Variants in CACNA1I observed in about 807,000 individuals in gnomAD.
CACNA1I encodes the protein voltage-dependent T-type calcium channel subunit alpha-1I.
In CACNA1I, 74 loss-of-function variants were observed where a neutral mutation model predicts 201.6. The observed-to-expected ratio is 0.37, with a 90% CI of 0.30 to 0.45. The LOEUF is 0.45. Ranked by LOEUF, CACNA1I falls within the 20% of genes least tolerant of loss-of-function variation. The pLI, the probability that CACNA1I is intolerant of heterozygous loss-of-function variation, is 1.00. For missense variants in CACNA1I, 2,346 were observed against 3,138.1 expected, an observed-to-expected ratio of 0.75 and a Z score of 6.03; for synonymous variants, 1,431 against 1,345.2, an observed-to-expected ratio of 1.06 and a Z score of -1.40.
chr22:39,629,461 C>T lies in CACNA1I; in HGVS notation c.581-5104C>T, dbSNP rs1051118646. On this transcript the variant is annotated intron_variant, in intron 4 of 36. Transcript: ENST00000402142. This position sits in a 1 kb window ranked among gnomAD's most constrained non-coding sequence, Gnocchi z 4.8. Reference sequence around the variant, plus strand: ...ATACCTCCAGAATCCACCATGTTCCCCACTCCACTGCCATCATTATCTGGG... The same window carrying T: ...ATACCTCCAGAATCCACCATGTTCCTCACTCCACTGCCATCATTATCTGGG... 2.6e-5 allele frequency among the ~76,000 whole-genome samples: 4 copies of T among 151,948 alleles called. No individual in the cohort carries two copies. Among genetic ancestry groups the T allele is most frequent in the South Asian group, 2.1e-4 (1 of 4,822 alleles).
rs776320564 is a variant in CACNA1I, at chr22:39,664,934, CT to C, written c.3851+12del. 2.5e-6 allele frequency: 4 copies of C among 1,609,690 alleles called. No individual in the cohort carries two copies. The East Asian group carries it at 8.9e-5, about 36-fold the overall frequency. On this transcript the variant is annotated intron_variant, in intron 21 of 36. Transcript: ENST00000402142. ...CCTACGCCCCCTGCGGTGAGGACCCCTCCTGGGCGGATGGGGGAAAGTGTCA... is the reference window on the plus strand; with the variant it reads ...CCTACGCCCCCTGCGGTGAGGACCCCCCTGGGCGGATGGGGGAAAGTGTCA...
chr22:39,625,582 T>G (rs186279927), intron 4 of CACNA1I, among the ~76,000 whole-genome samples: 1 of 152,184 alleles, frequency 6.6e-6, no homozygotes, highest in African/African-American at 2.4e-5. Context: ...ATGGACATCA[T>G]GGTGCTGCTT....
Position 39,649,311 on chromosome 22 carries a change from A to G in CACNA1I, c.1568-190A>G, listed in dbSNP as rs1382447283. Among the ~76,000 whole-genome samples, 6 of 152,186 alleles carry G rather than the reference A, an allele frequency of 3.9e-5. No individual in the cohort carries two copies. Among genetic ancestry groups the G allele is most frequent in the African/African-American group, 1.4e-4 (6 of 41,452 alleles). ...TGGGCGTTCCTGCCCCAACTTCTAC[A>G]ACAGGGGCAGACAAAGCTCAGAGAG... On this transcript the variant is annotated intron_variant, in intron 9 of 36. Coordinates refer to ENST00000402142, the MANE Select transcript of CACNA1I (RefSeq NM_021096.4). The surrounding 1 kb of genome is among the most constrained non-coding windows in gnomAD (Gnocchi z 7.3).
At chr22:39,616,278 C>T (rs538397635) in intron 3 of CACNA1I, among the ~76,000 whole-genome samples, 7 of 152,192 alleles carry the variant, frequency 4.6e-5, no homozygotes, top group African/African-American at 1.2e-4. Context: ...AGTCTGTAGC[C>T]GAGAGCACAC....
chr22:39,680,203 G>T (rs1935661183), intron 33 of CACNA1I, among the ~76,000 whole-genome samples: 1 of 152,130 alleles, frequency 6.6e-6, no homozygotes, highest in African/African-American at 2.4e-5. Context: ...GACATGAGGG[G>T]TCATCTGCCC....
intron 2 of CACNA1I, among the ~76,000 whole-genome samples, chr22:39,599,435 T>C (rs58358050): frequency 0.92 from 123,816 of 135,052 alleles, 56,942 homozygotes; most frequent in Middle Eastern, 0.96. Context: ...CCGGCTAAAA[T>C]GGTGAAACCC....
At chr22:39,609,365 A>G (rs1933315033) in intron 3 of CACNA1I, among the ~76,000 whole-genome samples, 1 of 152,264 alleles carries the variant, frequency 6.6e-6, no homozygotes, top group South Asian at 2.1e-4. Flanking sequence ...TGCAAGTAAT[A>G]GAAAACCCAA....
At chr22:39,674,563 G>A in intron 29 of CACNA1I, among the ~76,000 whole-genome samples, 1 of 152,196 alleles carries the variant, frequency 6.6e-6, no homozygotes, top group East Asian at 1.9e-4. Context: ...TAGGGAAGTT[G>A]CTCTACCCGC....
At chr22:39,657,418 T>C (rs1934857502) in intron 10 of CACNA1I, among the ~76,000 whole-genome samples, 1 of 152,174 alleles carries the variant, frequency 6.6e-6, no homozygotes, top group Non-Finnish European at 1.5e-5. Context: ...TGTGCAGGAC[T>C]GTGCCTGGCA....
chr22:39,679,014 G>T (rs1935598066), intron 31 of CACNA1I, 93 bp from the exon 32 acceptor site: 5 of 972,182 alleles, frequency 5.1e-6, no homozygotes, highest in Non-Finnish European at 7.5e-6. Context: ...TCTCGGTCTT[G>T]CTGCCTCCGA....
chr22:39,658,022 G>A lies in CACNA1I; in HGVS notation c.1993-130G>A. The A allele has an allele frequency of 4.4e-6, 4 of 904,338 alleles. No individual in the cohort carries two copies. In the East Asian group the frequency reaches 9.7e-5, roughly 22 times the overall value. 56.0% of individuals were successfully genotyped at this position (904,338 alleles called of 1,614,324 possible). A position where few individuals can be genotyped will look rare whatever the true frequency, so the allele number is the denominator to read the frequency against. On this transcript the variant is annotated intron_variant, in intron 10 of 36. Transcript: ENST00000402142. ...CCCTCGGGGCCTTGTGCATGGGGCA[G>A]TGGGGAGACGGAGGTATGGTGAGGA...
chr22:39,594,745 G>A (rs1158316042), intron 1 of CACNA1I, among the ~76,000 whole-genome samples: 1 of 152,092 alleles, frequency 6.6e-6, no homozygotes, highest in Non-Finnish European at 1.5e-5. Flanking sequence ...CTTTGAAATG[G>A]AGGGGTGAGG....
chr22:39,615,186 G>A (rs1933495671), intron 3 of CACNA1I, among the ~76,000 whole-genome samples: 1 of 152,184 alleles, frequency 6.6e-6, no homozygotes, highest in African/African-American at 2.4e-5. Flanking sequence ...CTCCATCCCA[G>A]GTGGCCCTCA....
intron 35 of CACNA1I, among the ~76,000 whole-genome samples, chr22:39,683,783 A>G (rs1935772294): frequency 7.7e-6 from 1 of 130,252 alleles, no homozygotes; most frequent in Non-Finnish European, 1.6e-5. Flanking sequence ...GCAGCCAACC[A>G]GGCCAGACTG....
intron 33 of CACNA1I, among the ~76,000 whole-genome samples, 199 bp from the exon 34 acceptor site, chr22:39,680,731 C>T (rs767595848): frequency 2.0e-5 from 3 of 152,162 alleles, no homozygotes; most frequent in Non-Finnish European, 4.4e-5. Flanking sequence ...TGGAGGTGGC[C>T]ACTGTGTCAC....
At chr22:39,633,850 G>A (rs985609643) in intron 4 of CACNA1I, among the ~76,000 whole-genome samples, 6 of 152,348 alleles carry the variant, frequency 3.9e-5, no homozygotes, top group Middle Eastern at 3.4e-3. Context: ...GTTAGCAGGC[G>A]CTTGGCTCTT....
At chr22:39,602,732 T>A (rs1048842660) in intron 3 of CACNA1I, among the ~76,000 whole-genome samples, 20 of 152,290 alleles carry the variant, frequency 1.3e-4, no homozygotes, top group African/African-American at 3.9e-4. Flanking sequence ...CCAGTACAGA[T>A]CTGGTTCCTC....
chr22:39,633,673 C>A (rs551256099), intron 4 of CACNA1I, among the ~76,000 whole-genome samples: 2 of 152,214 alleles, frequency 1.3e-5, no homozygotes, highest in South Asian at 4.1e-4. Context: ...AATAATTTGG[C>A]ACTGCAAGGC....
At chr22:39,655,158 G>A (rs1223499134) in intron 10 of CACNA1I, among the ~76,000 whole-genome samples, 1 of 152,138 alleles carries the variant, frequency 6.6e-6, no homozygotes, top group Non-Finnish European at 1.5e-5. Flanking sequence ...AGATTGAGAG[G>A]AGATAATGCA....
Sources: gnomAD v4.1 joint callset for allele counts (sites outside exome capture counted in the v4.1 genomes callset) on GRCh38, gnomAD v4.1.1 for gene constraint, Gnocchi (gnomAD v3.1) non-coding constraint, MANE v1.5 for transcripts, NCBI Gene and HGNC (gene_info 2026-07-23, HGNC 2026-07-21) for gene names.